Variants in ARFGEF3 observed in about 807,000 individuals in gnomAD.
The protein encoded by ARFGEF3 is brefeldin A-inhibited guanine nucleotide-exchange protein 3.
In ARFGEF3, 96 loss-of-function variants were observed where a neutral mutation model predicts 221.7. That is an observed-to-expected ratio of 0.43 (90% CI 0.37 to 0.51). The LOEUF (loss-of-function observed/expected upper bound fraction) is 0.51. ARFGEF3 is among the 20% of genes least tolerant of loss of function. The pLI, the probability that ARFGEF3 is intolerant of heterozygous loss-of-function variation, is 0.00. For synonymous variants in ARFGEF3, 1,145 were observed against 1,126.8 expected, an observed-to-expected ratio of 1.02 and a Z score of -0.32; for missense variants, 2,410 against 2,789.9, an observed-to-expected ratio of 0.86 and a Z score of 3.07.
intron 29 of ARFGEF3, among the ~76,000 whole-genome samples, chr6:138,322,929 A>C (rs1780060096): frequency 6.6e-6 from 1 of 151,852 alleles, no homozygotes; most frequent in South Asian, 2.1e-4. Flanking sequence ...CAGTGAAGCA[A>C]GGACCTCGTT....
chr6:138,235,558 A>G (rs1778269421), intron 5 of ARFGEF3, among the ~76,000 whole-genome samples: 1 of 152,218 alleles, frequency 6.6e-6, no homozygotes, highest in African/African-American at 2.4e-5. Flanking sequence ...GTATTCTCTT[A>G]GCTGCTATGA....
chr6:138,186,566 A>G (rs1053106804), intron 2 of ARFGEF3, among the ~76,000 whole-genome samples: 1 of 152,174 alleles, frequency 6.6e-6, no homozygotes, highest in African/African-American at 2.4e-5. Context: ...GAAGTGGAAA[A>G]CAGGATTGTT....
intron 2 of ARFGEF3, among the ~76,000 whole-genome samples, chr6:138,204,129 A>G (rs889599647): frequency 6.6e-6 from 1 of 151,680 alleles, no homozygotes; most frequent in Non-Finnish European, 1.5e-5. Context: ...ACCTGAGGTA[A>G]GGAGTTCAAG....
intron 2 of ARFGEF3, among the ~76,000 whole-genome samples, chr6:138,186,746 C>T (rs1562346215): frequency 1.3e-5 from 2 of 152,198 alleles, no homozygotes; most frequent in South Asian, 2.1e-4. Context: ...CCCCGTCCCG[C>T]AAGCAAAACA....
rs1319236029 is a variant in ARFGEF3 at position 138,334,015 on chromosome 6, G to A, written c.5169G>A (p.Val1723=). 45 of 1,613,312 alleles carry A rather than the reference G, an allele frequency of 2.8e-5. No individual in the cohort carries two copies. The highest frequency in any genetic ancestry group is 3.8e-5 in the Non-Finnish European group (45 of 1,179,460). The change falls in exon 33 of 34, where the codon GTG becomes GTA. Residue 1723 remains valine, a synonymous_variant. Coordinates refer to ENST00000251691, the MANE Select transcript of ARFGEF3 (RefSeq NM_020340.5). This position sits in a 1 kb window ranked among gnomAD's most constrained non-coding sequence, Gnocchi z 5.1. ...TGGTGAGCCTGCTGTCTCATCAGGT[G>A]TTACTCCAGAACTTATATGACATCT... ...EIVVSLLSHQ[V]LLQNLYDILL... is the part of the protein sequence containing the mutation.
intron 2 of ARFGEF3, among the ~76,000 whole-genome samples, chr6:138,193,230 C>T (rs1777344355): frequency 6.6e-6 from 1 of 152,172 alleles, no homozygotes; most frequent in South Asian, 2.1e-4. Context: ...ATGTCCTTTT[C>T]TTCTTCACTG....
In ARFGEF3 at chr6:138,334,631, C is replaced by G. The variant is rs528297959; in HGVS notation, c.5785C>G (p.Pro1929Ala). The G allele has an allele frequency of 7.4e-6, 12 of 1,613,526 alleles. No individual in the cohort carries two copies. The highest frequency in any genetic ancestry group is 1.6e-4 in the Middle Eastern group (1 of 6,062). ...HLDLENCMEEPPIFKGDPFFI... is the reference protein window; with the variant it reads ...HLDLENCMEEAPIFKGDPFFI... The stretch of plus-strand genomic sequence containing the variant: ...GGACCTGGAGAACTGTATGGAGGAG[C>G]CTCCCATCTTCAAGGGCGACCCGTT... Residue 1929 changes from proline (P) to alanine (A), a missense_variant, in exon 33 of 34, where the codon CCT (proline) becomes GCT (alanine). Physicochemically the swap from Pro to Ala is conservative, Grantham distance 27. This residue lies in a region of ARFGEF3 where 339 missense variants were observed against 334.9 expected (regional missense o/e 1.01). Coordinates refer to ENST00000251691, the MANE Select transcript of ARFGEF3 (RefSeq NM_020340.5). The surrounding 1 kb of genome is among the most constrained non-coding windows in gnomAD (Gnocchi z 5.1).
chr6:138,255,316 C>A, intron 9 of ARFGEF3, 120 bp from the exon 10 acceptor site: 1 of 662,940 alleles, frequency 1.5e-6, no homozygotes, highest in Non-Finnish European at 2.5e-6. Context: ...AAAATGTAGC[C>A]AAAAGAAGAA....
In ARFGEF3 at chr6:138,162,484, G is replaced by A. The variant is rs1413424919; in HGVS notation, c.85+313G>A. Among the ~76,000 whole-genome samples, 1 of 152,102 alleles carries A rather than the reference G, an allele frequency of 6.6e-6. No individual in the cohort carries two copies. Among genetic ancestry groups the A allele is most frequent in the East Asian group, 1.9e-4 (1 of 5,174 alleles). The stretch of plus-strand genomic sequence containing the variant: ...CCCATCGCCGAGTTAGGCAGGACCC[G>A]GAGCCGGTGCGAATCCTGGGGCCTG... On this transcript the variant is annotated intron_variant, in intron 1 of 33. Coordinates refer to ENST00000251691, the MANE Select transcript of ARFGEF3 (RefSeq NM_020340.5). The surrounding 1 kb of genome is among the most constrained non-coding windows in gnomAD (Gnocchi z 4.7).
chr6:138,190,716 T>A (rs566215487), intron 2 of ARFGEF3, among the ~76,000 whole-genome samples: 153 of 152,336 alleles, frequency 1.0e-3, no homozygotes, highest in African/African-American at 3.6e-3. Context: ...GTGCTGTGTT[T>A]CCTGGGAAAA....
intron 2 of ARFGEF3, among the ~76,000 whole-genome samples, chr6:138,171,486 TCCACAGC>T: frequency 6.6e-6 from 1 of 152,174 alleles, no homozygotes; most frequent in Admixed American, 6.5e-5. Flanking sequence ...GGTTGTGAAG[TCCACAGC>T]CACATGTAGC....
Position 138,292,002 on chromosome 6 carries a change from G to A in ARFGEF3, c.3317G>A (p.Ser1106Asn). ...GACTTCCGCGGCGGGAGCCTCATGA[G>A]CGGGAGCAGCGCGGCCAAGGTGGTG... ...ASDFRGGSLM[S>N]GSSAAKVVLT... The change falls in exon 19 of 34, where the codon AGC (serine) becomes AAC (asparagine). Residue 1106 changes from serine to asparagine, a missense_variant. Coordinates refer to ENST00000251691, the MANE Select transcript of ARFGEF3 (RefSeq NM_020340.5). 6.5e-7 allele frequency: 1 copy of A among 1,531,718 alleles called. No homozygotes were observed. The highest frequency in any genetic ancestry group is 8.7e-7 in the Non-Finnish European group (1 of 1,144,442). 94.9% of individuals were successfully genotyped at this position (1,531,718 alleles called of 1,614,324 possible).
At chr6:138,176,181 A>ATT (rs3044799) in intron 2 of ARFGEF3, among the ~76,000 whole-genome samples, 12,416 of 136,958 alleles carry the variant, frequency 0.091, 913 homozygotes, top group East Asian at 0.39. Flanking sequence ...TGGTAGTTGG[A>ATT]TTTTTTTTTT....
At chr6:138,328,809 G>A (rs745657184) in intron 32 of ARFGEF3, among the ~76,000 whole-genome samples, 2 of 152,100 alleles carry the variant, frequency 1.3e-5, no homozygotes, top group Non-Finnish European at 2.9e-5. Context: ...GAGTAACATA[G>A]TAAGAGCCAT....
chr6:138,205,144 T>G (rs150514658), intron 2 of ARFGEF3, among the ~76,000 whole-genome samples: 1 of 152,320 alleles, frequency 6.6e-6, no homozygotes, highest in African/African-American at 2.4e-5. Flanking sequence ...GTCAACACAT[T>G]GAGGATTTCC....
chr6:138,289,733 C>T, intron 17 of ARFGEF3, 85 bp from the exon 18 acceptor site: 1 of 1,438,894 alleles, frequency 6.9e-7, no homozygotes, highest in Non-Finnish European at 9.6e-7. Flanking sequence ...CCCTTTTGCC[C>T]TTGCATGACA....
At chr6:138,235,865 G>A (rs1342182295) in intron 5 of ARFGEF3, among the ~76,000 whole-genome samples, 1 of 152,110 alleles carries the variant, frequency 6.6e-6, no homozygotes, top group Non-Finnish European at 1.5e-5. Context: ...CCCAACTTCA[G>A]CCAAATGGGC....
chr6:138,213,807 A>G (rs1777781812), intron 4 of ARFGEF3, among the ~76,000 whole-genome samples: 1 of 152,142 alleles, frequency 6.6e-6, no homozygotes, highest in South Asian at 2.1e-4. Context: ...AATTTTTTGA[A>G]GTATACTTTT....
At chr6:138,204,287 G>A (rs371101582) in intron 2 of ARFGEF3, among the ~76,000 whole-genome samples, 43 of 140,522 alleles carry the variant, frequency 3.1e-4, no homozygotes, top group African/African-American at 8.9e-4. Context: ...GCAGTGAGCC[G>A]AGATCGCGCC....
Sources: allele counts gnomAD v4.1 joint callset (sites outside exome capture counted in the v4.1 genomes callset), GRCh38; gene constraint gnomAD v4.1.1; regional missense constraint gnomAD v4.1.1; non-coding constraint Gnocchi (gnomAD v3.1); transcripts MANE v1.5; gene names NCBI Gene and HGNC (gene_info 2026-07-23, HGNC 2026-07-21).